Variants in TLN2 observed in about 807,000 individuals in gnomAD.
TLN2 encodes the protein talin-2.
A neutral mutation model predicts 294.7 loss-of-function variants in TLN2; 118 were observed. That is an observed-to-expected ratio of 0.40 (90% CI 0.34 to 0.47). The LOEUF (loss-of-function observed/expected upper bound fraction) is 0.47, where lower values mean the gene tolerates loss of function less well. TLN2 is among the 20% of genes least tolerant of loss of function. The pLI is 0.84. For synonymous variants in TLN2, 1,431 were observed against 1,304.5 expected, an observed-to-expected ratio of 1.10 and a Z score of -2.09; for missense variants, 3,083 against 3,282.2, an observed-to-expected ratio of 0.94 and a Z score of 1.48.
chr15:62,420,385 A>G (rs1340099886), intron 1 of TLN2, among the ~76,000 whole-genome samples: 14 of 152,158 alleles, frequency 9.2e-5, no homozygotes, highest in African/African-American at 3.1e-4. Flanking sequence ...CCCTGTGTGT[A>G]GATGTCCTAC....
chr15:62,842,367 C>T lies in TLN2; in HGVS notation c.*1757C>T, dbSNP rs2141276819. 6.6e-6 allele frequency: 1 copy of T among 152,358 alleles called. No homozygotes were observed. Among genetic ancestry groups the T allele is most frequent in the Non-Finnish European group, 1.5e-5 (1 of 68,088 alleles). 9.4% of individuals were successfully genotyped at this position (152,358 alleles called of 1,614,324 possible). On this transcript the variant is annotated 3_prime_UTR_variant, in exon 59 of 59. Transcript: ENST00000636159. ...GAAAAGCTGGCACACTCTTGGCTCG[C>T]CCTCTTTGAGTGGAGCTGATCCAAC...
intron 1 of TLN2, among the ~76,000 whole-genome samples, chr15:62,580,620 A>C (rs2044877364): frequency 6.6e-6 from 1 of 152,016 alleles, no homozygotes; most frequent in South Asian, 2.1e-4. Flanking sequence ...CATGTTGCCC[A>C]GGCTAGTCTC....
chr15:62,550,570 A>G (rs1190028606), intron 1 of TLN2, among the ~76,000 whole-genome samples: 1 of 152,260 alleles, frequency 6.6e-6, no homozygotes, highest in Non-Finnish European at 1.5e-5. Flanking sequence ...AGTATTTAGA[A>G]TAATACTGAA....
intron 12 of TLN2, among the ~76,000 whole-genome samples, chr15:62,690,810 A>C (rs1257783505): frequency 2.0e-5 from 3 of 151,502 alleles, no homozygotes; most frequent in African/African-American, 7.3e-5. Context: ...TAGGAGCTGG[A>C]GACCAGCCCG....
rs1044374674 is a variant in TLN2 at position 62,705,185 on chromosome 15, A to T, written c.2005-1901A>T. Among the ~76,000 whole-genome samples the T allele has an allele frequency of 5.3e-5, 8 of 152,346 alleles. No individual in the cohort carries two copies. The East Asian group carries it at 1.5e-3, about 29-fold the overall frequency. Reference sequence around the variant, plus strand: ...CAGGTTCAGGGTGACAGTCCTACAGAGCCTTTGTTAGCAGGGACAGGCCAG... The same window carrying T: ...CAGGTTCAGGGTGACAGTCCTACAGTGCCTTTGTTAGCAGGGACAGGCCAG... On this transcript the variant is annotated intron_variant, in intron 19 of 58. Transcript: ENST00000636159.
At chr15:62,443,503 T>C (rs2035657858) in intron 1 of TLN2, among the ~76,000 whole-genome samples, 2 of 152,234 alleles carry the variant, frequency 1.3e-5, no homozygotes, top group African/African-American at 4.8e-5. Flanking sequence ...GGAAGATTTC[T>C]TTTCCTCTTC....
chr15:62,427,420 C>T (rs1392274731), intron 1 of TLN2, among the ~76,000 whole-genome samples: 2 of 152,106 alleles, frequency 1.3e-5, no homozygotes, highest in East Asian at 1.9e-4. Context: ...TCTGAGGTGT[C>T]CTCCACTTGC....
At chr15:62,600,886 C>A (rs1298842504) in intron 2 of TLN2, among the ~76,000 whole-genome samples, 3 of 152,008 alleles carry the variant, frequency 2.0e-5, no homozygotes, top group Non-Finnish European at 4.4e-5. Flanking sequence ...GTTATTGTGC[C>A]AAAAATGTAA....
chr15:62,772,427 A>C (rs924400127), intron 42 of TLN2, among the ~76,000 whole-genome samples: 2 of 152,098 alleles, frequency 1.3e-5, no homozygotes, highest in Non-Finnish European at 2.9e-5. Context: ...AGTGAGAAAA[A>C]AAAGAATACT....
At chr15:62,434,138 G>C (rs540301036) in intron 1 of TLN2, among the ~76,000 whole-genome samples, 3 of 152,256 alleles carry the variant, frequency 2.0e-5, no homozygotes, top group Admixed American at 2.0e-4. Context: ...AAGTAACTTT[G>C]CTCCAATCCA....
chr15:62,470,350 A>G (rs1194931910), intron 1 of TLN2, among the ~76,000 whole-genome samples: 1 of 152,234 alleles, frequency 6.6e-6, no homozygotes, highest in Non-Finnish European at 1.5e-5. Context: ...CAGTGAGGAA[A>G]ACGAGACCCT....
At chr15:62,697,576 T>C (rs8034474) in intron 14 of TLN2, 112 bp from the exon 15 acceptor site, 1,178,552 of 1,188,670 alleles carry the variant, frequency 0.99, 584,575 homozygotes, top group Non-Finnish European at 1. Context: ...GTGCCTCTTT[T>C]AGTTGGCCTT....
intron 32 of TLN2, among the ~76,000 whole-genome samples, chr15:62,745,330 G>GT (rs1390703892): frequency 1.3e-5 from 2 of 151,206 alleles, no homozygotes; most frequent in Non-Finnish European, 1.5e-5. Flanking sequence ...AAAAAAGATG[G>GT]TAAAAAAAAA....
chr15:62,503,824 A>G (rs1363576447), intron 1 of TLN2, among the ~76,000 whole-genome samples: 1 of 152,210 alleles, frequency 6.6e-6, no homozygotes, highest in East Asian at 1.9e-4. Flanking sequence ...TTCTGGGAGC[A>G]GGTCCTGGAG....
intron 1 of TLN2, among the ~76,000 whole-genome samples, chr15:62,460,846 T>C (rs4558365): frequency 0.59 from 89,023 of 152,006 alleles, 26,697 homozygotes; most frequent in Non-Finnish European, 0.66. Context: ...GGAAATAACC[T>C]GATCAGTATT....
chr15:62,393,126 A>C (rs2032238287), intron 1 of TLN2, among the ~76,000 whole-genome samples: 1 of 152,178 alleles, frequency 6.6e-6, no homozygotes, highest in Admixed American at 6.5e-5. Flanking sequence ...TTAAGTTTCC[A>C]GTCTTAGAGG....
chr15:62,564,222 C>T (rs113658522), intron 1 of TLN2, among the ~76,000 whole-genome samples: 9 of 152,314 alleles, frequency 5.9e-5, no homozygotes, highest in African/African-American at 2.2e-4. Context: ...AGGATGGTGC[C>T]TCAGCCTCAG....
intron 1 of TLN2, among the ~76,000 whole-genome samples, chr15:62,466,097 A>T (rs1173303271): frequency 6.6e-6 from 1 of 152,018 alleles, no homozygotes; most frequent in African/African-American, 2.4e-5. Flanking sequence ...TGATCAGGGG[A>T]GGTATGATGA....
intron 3 of TLN2, among the ~76,000 whole-genome samples, chr15:62,644,220 T>C (rs369625930): frequency 8.5e-4 from 121 of 141,604 alleles, no homozygotes; most frequent in African/African-American, 2.9e-3. Flanking sequence ...AATGTCTCAG[T>C]TGCATTTTAC....
Sources: allele counts gnomAD v4.1 joint callset (sites outside exome capture counted in the v4.1 genomes callset), GRCh38; gene constraint gnomAD v4.1.1; transcripts MANE v1.5; gene names NCBI Gene and HGNC (gene_info 2026-07-23, HGNC 2026-07-21).